Variants in COL27A1 observed in about 807,000 individuals in gnomAD.
COL27A1 encodes collagen type XXVII alpha 1 chain.
In COL27A1, 106 loss-of-function variants were observed where a neutral mutation model predicts 251.3. The ratio of observed to expected loss-of-function variants is 0.42; its 90% CI spans 0.36 to 0.50. The LOEUF is 0.50. Ranked by LOEUF, COL27A1 falls within the 20% of genes least tolerant of loss-of-function variation. The pLI, the probability that COL27A1 is intolerant of heterozygous loss-of-function variation, is 0.00. For synonymous variants in COL27A1, 1,000 were observed against 986.3 expected, an observed-to-expected ratio of 1.01 and a Z score of -0.26; for missense variants, 2,325 against 2,522.8, an observed-to-expected ratio of 0.92 and a Z score of 1.68.
At chr9:114,252,736 G>T in intron 26 of COL27A1, 90 bp downstream of exon 26, 1 of 1,432,208 alleles carries the variant, frequency 7.0e-7, no homozygotes, top group South Asian at 1.1e-5. Context: ...TACCCCAGAC[G>T]TTCAGAATGA....
chr9:114,265,998 T>C (rs1183470145), intron 32 of COL27A1, among the ~76,000 whole-genome samples: 3 of 152,132 alleles, frequency 2.0e-5, no homozygotes, highest in African/African-American at 7.2e-5. Context: ...TTCCAGAAGA[T>C]GTCCCTGGGA....
rs1264209724 is a variant in COL27A1 at position 114,306,925 on chromosome 9, TG to T, written c.5107+238del. ...CTCTGGCAGAAAAAGCTCCTGAGGC[TG>T]TAAGAGTCCCCACCCCTGGGGCCCA... On this transcript the variant is annotated intron_variant, in intron 58 of 60. Coordinates refer to ENST00000356083, the MANE Select transcript of COL27A1 (RefSeq NM_032888.4). 3 of 508,740 alleles carry T rather than the reference TG, an allele frequency of 5.9e-6. No homozygotes were observed. The East Asian group carries it at 1.1e-4, about 18-fold the overall frequency. The allele number at this position is 508,740 out of a possible 1,614,324, so 31.5% of individuals were successfully genotyped here. A position where few individuals can be genotyped will look rare whatever the true frequency, so the allele number is the denominator to read the frequency against.
chr9:114,175,178 CTGTT>C (rs1827319276), intron 3 of COL27A1, among the ~76,000 whole-genome samples: 1 of 152,212 alleles, frequency 6.6e-6, no homozygotes, highest in Non-Finnish European at 1.5e-5. Flanking sequence ...TTCCATGGCT[CTGTT>C]TGCGTACGCC....
At chr9:114,252,788 T>C in intron 26 of COL27A1, 91 bp from the exon 27 acceptor site, 1 of 1,452,638 alleles carries the variant, frequency 6.9e-7, no homozygotes, top group Non-Finnish European at 9.7e-7. Flanking sequence ...GCTGTCCTCC[T>C]GGCTTTGCAC....
At chr9:114,267,731 C>G (rs1834844709) in intron 34 of COL27A1, among the ~76,000 whole-genome samples, 174 bp downstream of exon 34, 1 of 152,182 alleles carries the variant, frequency 6.6e-6, no homozygotes, top group Admixed American at 6.5e-5. Flanking sequence ...TGTGGAGCCC[C>G]CACCAGTGCC....
chr9:114,286,924 A>T (rs1284342746), intron 41 of COL27A1, among the ~76,000 whole-genome samples: 2 of 152,108 alleles, frequency 1.3e-5, no homozygotes, highest in African/African-American at 4.8e-5. Flanking sequence ...TACTGTGCAG[A>T]TCGGATGAAA....
At chr9:114,225,823 G>A (rs745496399) in intron 14 of COL27A1, among the ~76,000 whole-genome samples, 10 of 152,154 alleles carry the variant, frequency 6.6e-5, no homozygotes, top group African/African-American at 1.9e-4. Context: ...CCCTGCAGCC[G>A]GGAGGAAGGG....
chr9:114,304,554 G>A (rs759247127), intron 56 of COL27A1, 54 bp from the exon 57 acceptor site: 1 of 1,546,776 alleles, frequency 6.5e-7, no homozygotes, highest in South Asian at 1.1e-5. Flanking sequence ...CCACTTGATG[G>A]GTGTGGAGAA....
chr9:114,242,784 GA>G (rs1473774384), intron 22 of COL27A1, among the ~76,000 whole-genome samples: 16 of 152,212 alleles, frequency 1.1e-4, no homozygotes, highest in Non-Finnish European at 2.4e-4. Flanking sequence ...AAAACCAAGA[GA>G]CTTTAAATGT....
At chr9:114,292,256 C>A in intron 49 of COL27A1, 46 bp downstream of exon 49, 3 of 1,370,704 alleles carry the variant, frequency 2.2e-6, no homozygotes, top group Non-Finnish European at 3.0e-6. Flanking sequence ...CTCACACATG[C>A]ACACACTCAC....
At chr9:114,162,873 A>G in intron 2 of COL27A1, 88 bp downstream of exon 2, 1 of 873,756 alleles carries the variant, frequency 1.1e-6, no homozygotes. Context: ...CCGTGCCTGT[A>G]ATTGGAACTC....
intron 1 of COL27A1, among the ~76,000 whole-genome samples, chr9:114,162,383 CA>C (rs1405434886): frequency 6.6e-6 from 1 of 152,238 alleles, no homozygotes; most frequent in African/African-American, 2.4e-5. Flanking sequence ...GAGTCAGCAT[CA>C]GATTTTGAGC....
At chr9:114,180,414 C>G (rs1827810246) in intron 4 of COL27A1, among the ~76,000 whole-genome samples, 5 of 152,158 alleles carry the variant, frequency 3.3e-5, no homozygotes, top group Admixed American at 3.3e-4. Context: ...TAAGGCATTT[C>G]TAAGTTTCCA....
At chr9:114,174,895 C>G (rs547820621) in intron 3 of COL27A1, among the ~76,000 whole-genome samples, 55 of 152,298 alleles carry the variant, frequency 3.6e-4, no homozygotes, top group African/African-American at 1.3e-3. Flanking sequence ...CCCTTTGAGG[C>G]CCCCTATCTA....
In COL27A1 at chr9:114,290,330, A is replaced by G; in HGVS notation, c.4367A>G (p.Gln1456Arg). The change falls in exon 47 of 61, where the codon CAG (glutamine) becomes CGG (arginine). Residue 1456 changes from glutamine (Q) to arginine (R), a missense_variant and splice_region_variant. Gln to Arg is a conservative substitution (Grantham distance 43). Around this residue, in one of 4 missense-constraint regions of COL27A1, gnomAD observed 153 missense variants for 140.7 expected, o/e 1.09. Coordinates refer to ENST00000356083, the MANE Select transcript of COL27A1 (RefSeq NM_032888.4). This position sits in a 1 kb window ranked among gnomAD's most constrained non-coding sequence, Gnocchi z 4.6. ...LPGRDGQAGQ[Q>R]GEQGDDGDPG... ...GGCAGGGACGGGCAAGCAGGACAGC[A>G]GGTGAGCGGGAATTGGCATTAACAG... The G allele has an allele frequency of 6.4e-7, 1 of 1,573,086 alleles. No homozygotes were observed. Among genetic ancestry groups the G allele is most frequent in the Non-Finnish European group, 8.6e-7 (1 of 1,158,876 alleles).
At chr9:114,158,325 A>C (rs1280662747) in intron 1 of COL27A1, among the ~76,000 whole-genome samples, 3 of 152,154 alleles carry the variant, frequency 2.0e-5, no homozygotes, top group Admixed American at 6.5e-5. Context: ...GTTTCCAGGT[A>C]ATAAGGATGG....
Position 114,206,263 on chromosome 9 carries a change from AC to A in COL27A1, c.2237del (p.Pro746ArgfsTer2). On this transcript the variant is annotated frameshift_variant, in exon 10 of 61. Transcript: ENST00000356083. LOFTEE classifies it high-confidence loss of function. ...GTTTTGTGTTTCAGGGGTTACCTGG[AC>A]CGGTAGGAGATCCCGGCCCCAAAGG... ...GYPGRQGLPG[P>X]VGDPGPKGSR... The A allele has an allele frequency of 6.2e-7, 1 of 1,614,126 alleles. No individual in the cohort carries two copies. Among genetic ancestry groups the A allele is most frequent in the Non-Finnish European group, 8.5e-7 (1 of 1,180,004 alleles).
intron 12 of COL27A1, among the ~76,000 whole-genome samples, chr9:114,217,078 A>T (rs1332168162): frequency 3.9e-5 from 6 of 152,276 alleles, no homozygotes; most frequent in Non-Finnish European, 7.4e-5. Context: ...AATGCAGCCA[A>T]TAATAGGACC....
chr9:114,182,182 ATAATAAT>A (rs1329234343), intron 4 of COL27A1, among the ~76,000 whole-genome samples: 24 of 91,236 alleles, frequency 2.6e-4, no homozygotes, highest in African/African-American at 7.1e-4. Context: ...CTATAAAATA[ATAATAAT>A]AAAATAATAA....
Sources: allele counts gnomAD v4.1 joint callset (sites outside exome capture counted in the v4.1 genomes callset), GRCh38; gene constraint gnomAD v4.1.1; regional missense constraint gnomAD v4.1.1; non-coding constraint Gnocchi (gnomAD v3.1); transcripts MANE v1.5; gene names NCBI Gene and HGNC (gene_info 2026-07-23, HGNC 2026-07-21).